The following KDM6A variants were observed in gnomAD, a reference collection of about 807,000 sequenced individuals.
The protein encoded by KDM6A is lysine demethylase 6A.
KDM6A carries 11 observed loss-of-function variants against 117.6 expected under a neutral mutation model. That is an observed-to-expected ratio of 0.09 (90% CI 0.06 to 0.15). KDM6A has a LOEUF of 0.15. Among genes scored for constraint, KDM6A ranks in the 10% least tolerant of loss-of-function variants. KDM6A has a pLI of 1.00. For synonymous variants in KDM6A, 384 were observed against 396.1 expected (o/e 0.97, Z 0.36); for missense variants, 799 against 1,077.3 (o/e 0.74, Z 3.62).
chrX:44,982,195 A>T (rs1158915055), intron 4 of KDM6A, among the ~76,000 whole-genome samples: 1 of 112,075 alleles, frequency 8.9e-6, no homozygotes, highest in African/African-American at 3.2e-5. Flanking sequence ...TTATGGTAAC[A>T]TGGAAGGATG....
At chrX:44,957,692 G>A (rs2038418099) in intron 2 of KDM6A, among the ~76,000 whole-genome samples, 1 of 111,393 alleles carries the variant, frequency 9.0e-6, no homozygotes, top group African/African-American at 3.3e-5. Context: ...TAAGGATTAT[G>A]GATGTGCAAT....
intron 14 of KDM6A, 62 bp downstream of exon 14, chrX:45,060,826 T>G: frequency 1.3e-6 from 1 of 766,966 alleles, no homozygotes. Flanking sequence ...GCCCTGAAAT[T>G]GTGCAGTTTG....
rs1454442483 is a variant in KDM6A at position 44,873,854 on chromosome X, C to T, written c.162-70C>T. ...CTTCGCGCCGCCTCCGCTGGGGCCTCGGGCTCGGGCAGGGACGGGTCGGTG... is the reference window on the plus strand; with the variant it reads ...CTTCGCGCCGCCTCCGCTGGGGCCTTGGGCTCGGGCAGGGACGGGTCGGTG... On this transcript the variant is annotated intron_variant, in intron 1 of 29. Coordinates refer to ENST00000611820, the MANE Select transcript of KDM6A (RefSeq NM_001291415.2). 4.3e-6 allele frequency: 5 copies of T among 1,165,357 alleles called. No homozygotes were observed. In the African/African-American group the frequency reaches 8.9e-5, roughly 21 times the overall value.
At chrX:45,017,372 A>G (rs1341949180) in intron 5 of KDM6A, among the ~76,000 whole-genome samples, 3 of 111,637 alleles carry the variant, frequency 2.7e-5, no homozygotes, top group Non-Finnish European at 3.8e-5. Context: ...TGAAATATGA[A>G]TGCAGTAAGC....
At chrX:44,893,294 T>C (rs975895314) in intron 2 of KDM6A, among the ~76,000 whole-genome samples, 3 of 111,958 alleles carry the variant, frequency 2.7e-5, no homozygotes, top group African/African-American at 9.7e-5. Flanking sequence ...TTCCAATTCA[T>C]GAACATGAGT....
intron 2 of KDM6A, among the ~76,000 whole-genome samples, chrX:44,947,347 C>A (rs1329236701): frequency 1.8e-5 from 2 of 109,742 alleles, no homozygotes; most frequent in Non-Finnish European, 3.8e-5. Context: ...TGTGTTCTAC[C>A]CAGGTCAGAT....
intron 4 of KDM6A, among the ~76,000 whole-genome samples, chrX:44,975,586 A>G (rs1195867567): frequency 1.8e-5 from 2 of 111,868 alleles, no homozygotes; most frequent in Admixed American, 9.5e-5. Context: ...ATGCTATAAA[A>G]TTATAGCTTA....
At chrX:45,109,620 T>C (rs1442770926) in intron 28 of KDM6A, among the ~76,000 whole-genome samples, 1 of 111,061 alleles carries the variant, frequency 9.0e-6, no homozygotes, top group East Asian at 2.8e-4. Context: ...GGAGATCAGA[T>C]AGATTCCAGT....
intron 8 of KDM6A, among the ~76,000 whole-genome samples, chrX:45,047,644 A>T (rs1602730933): frequency 4.6e-5 from 2 of 43,612 alleles, no homozygotes; most frequent in African/African-American, 1.3e-4. Context: ...TTTTGTCCAC[A>T]TTCTTCAAAT....
chrX:45,022,954 G>T (rs1164744117), intron 6 of KDM6A, among the ~76,000 whole-genome samples: 1 of 112,036 alleles, frequency 8.9e-6, no homozygotes, highest in Non-Finnish European at 1.9e-5. Flanking sequence ...TGTAATGCTG[G>T]CATATAAGTG....
chrX:45,062,620 T>C (rs1377603128), intron 15 of KDM6A, 27 bp from the exon 16 acceptor site: 2 of 1,045,810 alleles, frequency 1.9e-6, no homozygotes, highest in African/African-American at 1.8e-5. Flanking sequence ...TATCTTTGAC[T>C]ATATTCTCTT....
chrX:44,896,623 C>CTTTTTTTTTTTTTTTTTTTTTTTTTT (rs11292562), intron 2 of KDM6A, among the ~76,000 whole-genome samples: 1 of 69,400 alleles, frequency 1.4e-5, no homozygotes, highest in Non-Finnish European at 2.8e-5. Context: ...TTATCATTTC[C>CTTTTTTTTTTTTTTTTTTTTTTTTTT]TTTTTTTTTT....
intron 6 of KDM6A, among the ~76,000 whole-genome samples, chrX:45,027,368 C>CACACACACA: frequency 9.1e-6 from 1 of 110,446 alleles, no homozygotes; most frequent in South Asian, 3.8e-4. Context: ...CACACACACA[C>CACACACACA]CCGCCCGTCT....
rs758792930 is a variant in KDM6A, at chrX:44,940,017, C to T, written c.226-21267C>T. On this transcript the variant is annotated intron_variant, in intron 2 of 29. Transcript: ENST00000611820. ...TTCTATTGTGGCGGTCTCCAATTAT[C>T]CCCAAAGTATGCTTGTACTATCAGT... 4.5e-5 allele frequency among the ~76,000 whole-genome samples: 5 copies of T among 112,016 alleles called. No individual in the cohort carries two copies. The South Asian group carries it at 1.9e-3, about 41-fold the overall frequency.
intron 24 of KDM6A, 123 bp from the exon 25 acceptor site, chrX:45,085,742 T>G: frequency 2.1e-6 from 1 of 486,270 alleles, no homozygotes; most frequent in South Asian, 2.7e-5. Flanking sequence ...TGTAAGGTTT[T>G]GTTTCCAAAG....
intron 10 of KDM6A, among the ~76,000 whole-genome samples, chrX:45,057,985 T>G (rs1277533780): frequency 2.7e-5 from 3 of 110,221 alleles, no homozygotes; most frequent in African/African-American, 9.9e-5. Context: ...TCCAATTTGT[T>G]TGCTTGGCAA....
At position 45,040,212 on chromosome X, in the gene KDM6A, G is replaced by A. The variant is rs759528396; in HGVS notation, c.654+2523G>A. ...GGGCTCCTTACTTCCCAGTAGGGGC[G>A]GCCGGGCAGAGGCGCCCCTCACCTC... On this transcript the variant is annotated intron_variant, in intron 8 of 29. Transcript: ENST00000611820. 6.9e-3 allele frequency among the ~76,000 whole-genome samples: 676 copies of A among 97,427 alleles called. 15 individuals carry two copies. The highest frequency in any genetic ancestry group is 0.024 in the African/African-American group (640 of 26,301). 84.6% of individuals were successfully genotyped at this position (97,427 alleles called of 115,157 possible). A position where few individuals can be genotyped will look rare whatever the true frequency, so the allele number is the denominator to read the frequency against.
At chrX:44,975,594 T>C (rs980331921) in intron 4 of KDM6A, among the ~76,000 whole-genome samples, 1 of 112,031 alleles carries the variant, frequency 8.9e-6, no homozygotes, top group Non-Finnish European at 1.9e-5. Context: ...AAATTATAGC[T>C]TAATTCACAT....
At chrX:45,107,631 T>C in intron 28 of KDM6A, 95 bp downstream of exon 28, 1 of 875,097 alleles carries the variant, frequency 1.1e-6, no homozygotes, top group Non-Finnish European at 1.6e-6. Context: ...TTTATACTTT[T>C]ATGTAATCCA....
Sources: gnomAD v4.1 joint callset for allele counts (sites outside exome capture counted in the v4.1 genomes callset) on GRCh38, gnomAD v4.1.1 for gene constraint, MANE v1.5 for transcripts, NCBI Gene and HGNC (gene_info 2026-07-23, HGNC 2026-07-21) for gene names.